The following POM121C variants were observed in gnomAD, a reference collection of about 807,000 sequenced individuals.
POM121C encodes POM121 transmembrane nucleoporin C.
POM121C carries 20 observed loss-of-function variants against 66.4 expected under a neutral mutation model. That is an observed-to-expected ratio of 0.30 (90% CI 0.21 to 0.44). The LOEUF (loss-of-function observed/expected upper bound fraction) is 0.44, where lower values mean the gene tolerates loss of function less well. Among genes scored for constraint, POM121C ranks in the 20% least tolerant of loss-of-function variants. POM121C has a pLI of 1.00. For missense variants in POM121C, 580 were observed against 1,225.7 expected (o/e 0.47, Z 7.87); for synonymous variants, 286 against 528.0 (o/e 0.54, Z 6.28).
At chr7:75,456,529 G>A (rs1224581730) in intron 3 of POM121C, among the ~76,000 whole-genome samples, 2 of 152,180 alleles carry the variant, frequency 1.3e-5, no homozygotes, top group Non-Finnish European at 2.9e-5. Flanking sequence ...GACGAAATGA[G>A]GAAGAAGATC....
In POM121C at chr7:75,475,262, G is replaced by C. The variant is rs587674247; in HGVS notation, c.-457-74C>G. Reference sequence around the variant, plus strand: ...GGGATAACATTTTACAAAGCTCACTGGTGAAGTTAACCATGAACATTGTAT... The same window carrying C: ...GGGATAACATTTTACAAAGCTCACTCGTGAAGTTAACCATGAACATTGTAT... On this transcript the variant is annotated intron_variant, in intron 1 of 14. Transcript: ENST00000615331. 9.3e-3 allele frequency: 11,524 copies of C among 1,245,456 alleles called. 73 individuals are homozygous for C. The highest frequency in any genetic ancestry group is 0.019 in the Middle Eastern group (84 of 4,402). The allele number at this position is 1,245,456 out of a possible 1,614,324, so 77.2% of individuals were successfully genotyped here.
chr7:75,416,845 A>T lies in POM121C; in HGVS notation c.*1951T>A. ...CAAGCAGGAGAAAAATCTCACATTCATACTAAAAATTCCAACTAGACTCAA... is the reference window on the plus strand; with the variant it reads ...CAAGCAGGAGAAAAATCTCACATTCTTACTAAAAATTCCAACTAGACTCAA... On this transcript the variant is annotated 3_prime_UTR_variant, in exon 15 of 15. Transcript: ENST00000615331. The T allele has an allele frequency of 6.9e-7, 1 of 1,450,252 alleles. No individual in the cohort carries two copies. The highest frequency in any genetic ancestry group is 9.1e-7 in the Non-Finnish European group (1 of 1,103,258). 89.8% of individuals were successfully genotyped at this position (1,450,252 alleles called of 1,614,324 possible). A position where few individuals can be genotyped will look rare whatever the true frequency, so the allele number is the denominator to read the frequency against.
At chr7:75,431,403 A>G (rs1259182779) in intron 7 of POM121C, among the ~76,000 whole-genome samples, 1 of 151,706 alleles carries the variant, frequency 6.6e-6, no homozygotes. Context: ...TGGGAGTTTG[A>G]GACCAGCCTG....
intron 1 of POM121C, among the ~76,000 whole-genome samples, chr7:75,475,427 T>C (rs1205620173): frequency 1.4e-4 from 21 of 152,268 alleles, no homozygotes; most frequent in Middle Eastern, 3.4e-3. Flanking sequence ...GTTTTGGGGA[T>C]ATGAGATGAG....
chr7:75,430,478 A>C (rs1460351820), intron 7 of POM121C, among the ~76,000 whole-genome samples: 17 of 152,160 alleles, frequency 1.1e-4, no homozygotes, highest in South Asian at 6.2e-4. Flanking sequence ...AACAAACAAA[A>C]AAAACTAATT....
chr7:75,443,779 AAAT>A (rs1453506851), intron 3 of POM121C, among the ~76,000 whole-genome samples: 6 of 35,860 alleles, frequency 1.7e-4, no homozygotes, highest in African/African-American at 6.0e-4. Context: ...TCTCTACTAA[AAAT>A]ACAAAAATTA....
chr7:75,432,373 A>G (rs1554472463), intron 7 of POM121C, among the ~76,000 whole-genome samples: 1 of 152,230 alleles, frequency 6.6e-6, no homozygotes. Context: ...GCGGAACAGT[A>G]TATACATCAA....
chr7:75,449,568 G>A (rs1450956817), intron 3 of POM121C, among the ~76,000 whole-genome samples: 4 of 152,008 alleles, frequency 2.6e-5, no homozygotes, highest in Admixed American at 6.6e-5. Context: ...GGGTTTCACC[G>A]TGTTAGCCAG....
chr7:75,468,436 G>A (rs1791754738), intron 3 of POM121C, among the ~76,000 whole-genome samples: 1 of 148,434 alleles, frequency 6.7e-6, no homozygotes, highest in Admixed American at 6.9e-5. Context: ...TCCTGCCTCA[G>A]CCTCCTGAGT....
At position 75,422,010 on chromosome 7, in the gene POM121C, G is replaced by A. The variant is rs782478060; in HGVS notation, c.2242C>T (p.Pro748Ser). ...PAPATAPTPA[P>S]ASTIKIVPAH... is the part of the protein sequence containing the mutation. ...GGCACGATCTTGATCGTGGACGCAG[G>A]TGCAGGTGTGGGTGCAGTAGCCGGG... The change falls in exon 13 of 15, where the codon CCT becomes TCT. Residue 748 changes from proline (P) to serine (S), a missense_variant. By Grantham distance (74) the Pro-to-Ser change is moderately conservative. Coordinates refer to ENST00000615331, the MANE Select transcript of POM121C (RefSeq NM_001099415.3). The A allele has an allele frequency of 6.2e-6, 10 of 1,613,818 alleles. No individual in the cohort carries two copies. The highest frequency in any genetic ancestry group is 7.6e-6 in the Non-Finnish European group (9 of 1,179,820).
At chr7:75,479,998 G>C (rs1554479904) in intron 1 of POM121C, among the ~76,000 whole-genome samples, 1 of 150,306 alleles carries the variant, frequency 6.7e-6, no homozygotes, top group Non-Finnish European at 1.5e-5. Context: ...AGAAAGCAAA[G>C]ACAACGGACT....
At chr7:75,472,339 C>T (rs1408331410) in intron 3 of POM121C, among the ~76,000 whole-genome samples, 2 of 151,568 alleles carry the variant, frequency 1.3e-5, no homozygotes. Flanking sequence ...AGACTGAAAC[C>T]CCGTCTCTAC....
chr7:75,486,135 C>A lies in POM121C; in HGVS notation c.-729G>T, dbSNP rs1554480922. On this transcript the variant is annotated 5_prime_UTR_variant, in exon 1 of 15. Coordinates refer to ENST00000615331, the MANE Select transcript of POM121C (RefSeq NM_001099415.3). ...TCGGGGGTCCCAGCTCGAGCCTCTA[C>A]CCGGCCCGCGCGAACCCTGGGCCGC... is the stretch of plus-strand genomic sequence containing the variant. The A allele has an allele frequency of 3.0e-6, 1 of 337,262 alleles. No individual in the cohort carries two copies. Among genetic ancestry groups the A allele is most frequent in the African/African-American group, 2.3e-5 (1 of 42,854 alleles). The allele number at this position is 337,262 out of a possible 1,614,324, so 20.9% of individuals were successfully genotyped here. A position where few individuals can be genotyped will look rare whatever the true frequency, so the allele number is the denominator to read the frequency against.
rs144733822 is a variant in POM121C at position 75,483,495 on chromosome 7, G to A, written c.-458+2369C>T. 2.2e-3 allele frequency among the ~76,000 whole-genome samples: 331 copies of A among 152,244 alleles called. 1 individual carries two copies. Among genetic ancestry groups the A allele is most frequent in the African/African-American group, 7.6e-3 (315 of 41,552 alleles). On this transcript the variant is annotated intron_variant, in intron 1 of 14. Transcript: ENST00000615331. ...CTTTCCCTTCACCTTTCACTTGACTGTAAGTTTCCTGAGGACTCCTCAGCC... is the reference window on the plus strand; with the variant it reads ...CTTTCCCTTCACCTTTCACTTGACTATAAGTTTCCTGAGGACTCCTCAGCC...
intron 1 of POM121C, among the ~76,000 whole-genome samples, chr7:75,482,594 G>T (rs1353446130): frequency 1.3e-5 from 2 of 152,180 alleles, no homozygotes; most frequent in African/African-American, 4.8e-5. Context: ...GGAGGCTGAG[G>T]CAAGAGGATC....
chr7:75,438,074 A>C (rs1790482122), intron 6 of POM121C, among the ~76,000 whole-genome samples: 1 of 152,178 alleles, frequency 6.6e-6, no homozygotes, highest in South Asian at 2.1e-4. Flanking sequence ...CACATGCTTT[A>C]AACAAGTACA....
At chr7:75,432,306 G>T (rs1486079933) in intron 7 of POM121C, among the ~76,000 whole-genome samples, 1 of 151,946 alleles carries the variant, frequency 6.6e-6, no homozygotes, top group Non-Finnish European at 1.5e-5. Context: ...GCTCCAAACT[G>T]GAAACCCAAA....
intron 1 of POM121C, among the ~76,000 whole-genome samples, chr7:75,485,231 G>A (rs1792477272): frequency 6.6e-6 from 1 of 152,126 alleles, no homozygotes; most frequent in Non-Finnish European, 1.5e-5. Flanking sequence ...TGAAATGAAT[G>A]TGTATAAAAT....
In POM121C at chr7:75,419,448, A is replaced by G. The variant is rs782457895; in HGVS notation, c.2744-6T>C. ...AAAGGTGGGGGTGGCGGTGCCTGGA[A>G]TGAAGAGAACAGAGAGCTAGCCAGT... is the stretch of plus-strand genomic sequence containing the variant. On this transcript the variant is annotated splice_region_variant and splice_polypyrimidine_tract_variant and intron_variant, in intron 13 of 14. Coordinates refer to ENST00000615331, the MANE Select transcript of POM121C (RefSeq NM_001099415.3). 11 of 1,613,032 alleles carry G rather than the reference A, an allele frequency of 6.8e-6. No homozygotes were observed. In the South Asian group the frequency reaches 1.2e-4, roughly 18 times the overall value.
Sources: allele counts gnomAD v4.1 joint callset (sites outside exome capture counted in the v4.1 genomes callset), GRCh38; gene constraint gnomAD v4.1.1; transcripts MANE v1.5; gene names NCBI Gene and HGNC (gene_info 2026-07-23, HGNC 2026-07-21).